Variants in ATP7A observed in about 807,000 individuals in gnomAD.
The protein encoded by ATP7A is copper-transporting ATPase 1.
A neutral mutation model predicts 83.5 loss-of-function variants in ATP7A; 7 were observed. The ratio of observed to expected loss-of-function variants is 0.08; its 90% CI spans 0.05 to 0.16. ATP7A has a LOEUF of 0.16. Among genes scored for constraint, ATP7A ranks in the 10% least tolerant of loss-of-function variants. The pLI is 1.00. For synonymous variants in ATP7A, 354 were observed against 395.2 expected, an observed-to-expected ratio of 0.90 and a Z score of 1.24; for missense variants, 940 against 1,120.8, an observed-to-expected ratio of 0.84 and a Z score of 2.30.
intron 17 of ATP7A, among the ~76,000 whole-genome samples, chrX:78,034,746 CTTTT>C (rs781904882): frequency 1.0e-5 from 1 of 100,201 alleles, no homozygotes. Flanking sequence ...CTGGCTGTTC[CTTTT>C]TTTTTTTTTT....
chrX:77,932,617 T>C (rs2077294352), intron 1 of ATP7A, among the ~76,000 whole-genome samples: 1 of 112,420 alleles, frequency 8.9e-6, no homozygotes, highest in African/African-American at 3.2e-5. Context: ...TGGGCACCAT[T>C]GAGCACTGAG....
rs989216537 is a variant in ATP7A at position 78,033,509 on chromosome X, T to C, written c.3295-96T>C. 2.9e-5 allele frequency: 25 copies of C among 871,856 alleles called. No individual in the cohort carries two copies. The East Asian group carries it at 7.8e-4, about 27-fold the overall frequency. The allele number at this position is 871,856 out of a possible 1,213,427, so 71.9% of individuals were successfully genotyped here. On this transcript the variant is annotated intron_variant, in intron 16 of 22. Transcript: ENST00000341514. ...TAGGCAATATGTGACAATTTTATTA[T>C]AAACATTTAGAATTAACTAGGGGTT... is the stretch of plus-strand genomic sequence containing the variant.
intron 1 of ATP7A, among the ~76,000 whole-genome samples, chrX:77,939,306 A>AG (rs1221564646): frequency 5.4e-5 from 6 of 110,901 alleles, no homozygotes; most frequent in African/African-American, 1.6e-4. Flanking sequence ...CAAAAAAAAA[A>AG]AAAGTACATA....
At chrX:77,968,879 T>C (rs1557229127) in intron 1 of ATP7A, 1 of 1,210,484 alleles carries the variant, frequency 8.3e-7, no homozygotes, top group East Asian at 3.0e-5. Context: ...GGCCTTCACT[T>C]CTTGGCCTTG....
chrX:78,007,555 G>A (rs1447891266), intron 6 of ATP7A, among the ~76,000 whole-genome samples: 2 of 111,718 alleles, frequency 1.8e-5, no homozygotes, highest in Non-Finnish European at 3.8e-5. Flanking sequence ...TCGATCTCCT[G>A]ACCTCGTGAT....
At chrX:78,015,223 C>G (rs1557235009) in intron 11 of ATP7A, among the ~76,000 whole-genome samples, 1 of 111,730 alleles carries the variant, frequency 9.0e-6, no homozygotes, top group Non-Finnish European at 1.9e-5. Context: ...TCTTCTTTCT[C>G]CTCATTGTCC....
Position 77,940,837 on chromosome X carries a change from A to G in ATP7A, c.-22+30002A>G, listed in dbSNP as rs1170164402. 3.6e-5 allele frequency among the ~76,000 whole-genome samples: 4 copies of G among 112,013 alleles called. No homozygotes were observed. In the Admixed American group the frequency reaches 3.8e-4, roughly 11 times the overall value. On this transcript the variant is annotated intron_variant, in intron 1 of 22. Coordinates refer to ENST00000341514, the MANE Select transcript of ATP7A (RefSeq NM_000052.7). ...AGTTATTGGAGATAAAAAACAGATG[A>G]TCATTTTTCACATAACAGATTGACA...
Position 77,988,267 on chromosome X carries a change from C to G in ATP7A, c.146C>G (p.Thr49Ser). ...GTATCACTGGAAGAAAAAAATGCAA[C>G]TATTATTTATGACCCTAAACTACAG... ...IKVSLEEKNA[T>S]IIYDPKLQTP... The change falls in exon 3 of 23, where the codon ACT becomes AGT. Residue 49 changes from threonine (T) to serine (S), a missense_variant. By Grantham distance (58) the Thr-to-Ser change is moderately conservative. Around this residue, in one of 3 missense-constraint regions of ATP7A, gnomAD observed 350 missense variants for 432.8 expected, o/e 0.81. Coordinates refer to ENST00000341514, the MANE Select transcript of ATP7A (RefSeq NM_000052.7). 1 of 1,200,485 alleles carries G rather than the reference C, an allele frequency of 8.3e-7. No homozygotes were observed. The highest frequency in any genetic ancestry group is 3.0e-5 in the East Asian group (1 of 33,761).
chrX:78,033,677 G>A lies in ATP7A; in HGVS notation c.3367G>A (p.Val1123Ile). The A allele has an allele frequency of 3.3e-6, 4 of 1,211,225 alleles. No individual in the cohort carries two copies. The highest frequency in any genetic ancestry group is 4.5e-6 in the Non-Finnish European group (4 of 895,232). Residue 1123 changes from valine (V) to isoleucine (I), a missense_variant, in exon 17 of 23, where the codon GTC becomes ATC. By Grantham distance (29) the Val-to-Ile change is conservative (BLOSUM62 3). Transcript: ENST00000341514. ...GCCAGGCTGTGGTATTAGCTGTAAA[G>A]TCACCAATATTGAAGGCTTGCTACA... ...VVPGCGISCK[V>I]TNIEGLLHKN...
intron 14 of ATP7A, 114 bp from the exon 15 acceptor site, chrX:78,029,136 G>A (rs2077965866): frequency 2.6e-6 from 2 of 780,543 alleles, no homozygotes; most frequent in Admixed American, 2.3e-5. Context: ...TAGGTAGCTA[G>A]GTAGGATATG....
intron 12 of ATP7A, 120 bp downstream of exon 12, chrX:78,016,001 G>T (rs781783856): frequency 2.1e-5 from 18 of 840,247 alleles, no homozygotes; most frequent in Non-Finnish European, 2.9e-5. Context: ...GTTCTTTTAA[G>T]ACTGTATTAA....
intron 4 of ATP7A, among the ~76,000 whole-genome samples, chrX:77,997,830 C>T (rs1380855023): frequency 3.6e-5 from 4 of 110,519 alleles, no homozygotes; most frequent in Non-Finnish European, 5.7e-5. Flanking sequence ...TCTTCTTCCA[C>T]TGTCCACAGA....
chrX:77,951,414 C>T (rs1202365936), intron 1 of ATP7A, among the ~76,000 whole-genome samples: 1 of 111,529 alleles, frequency 9.0e-6, no homozygotes, highest in Non-Finnish European at 1.9e-5. Context: ...AAAATGTTCA[C>T]AATTATTAAA....
Position 78,047,036 on chromosome X carries a change from T to G in ATP7A, c.*466T>G, listed in dbSNP as rs1557239240. On this transcript the variant is annotated 3_prime_UTR_variant, in exon 23 of 23. Coordinates refer to ENST00000341514, the MANE Select transcript of ATP7A (RefSeq NM_000052.7). ...GGGAGCAATGACTTTCAAAGCACTG[T>G]GTATAAAACATCTAGTTTTAGAAGG... 1 of 119,389 alleles carries G rather than the reference T, an allele frequency of 8.4e-6. No individual in the cohort carries two copies. Among genetic ancestry groups the G allele is most frequent in the African/African-American group, 3.2e-5 (1 of 30,803 alleles). The allele number at this position is 119,389 out of a possible 1,213,427, so 9.8% of individuals were successfully genotyped here.
chrX:77,932,881 A>T (rs782742338), intron 1 of ATP7A, among the ~76,000 whole-genome samples: 5 of 111,226 alleles, frequency 4.5e-5, no homozygotes, highest in Non-Finnish European at 5.7e-5. Flanking sequence ...GCTCGGCATT[A>T]GAGGGAGACC....
intron 12 of ATP7A, among the ~76,000 whole-genome samples, chrX:78,018,550 T>C (rs1557235423): frequency 1.8e-5 from 2 of 111,934 alleles, no homozygotes; most frequent in Admixed American, 1.9e-4. Context: ...CAGATTTCTA[T>C]GAAGTTCCAA....
chrX:77,981,103 C>A (rs2077603274), intron 2 of ATP7A, among the ~76,000 whole-genome samples: 1 of 111,694 alleles, frequency 9.0e-6, no homozygotes, highest in South Asian at 3.7e-4. Context: ...AGATATTGTT[C>A]CACATCAATA....
chrX:77,947,646 C>T (rs1216667114), intron 1 of ATP7A, among the ~76,000 whole-genome samples: 1 of 109,205 alleles, frequency 9.2e-6, no homozygotes, highest in East Asian at 2.8e-4. Context: ...CCATGTTGGC[C>T]AGGCTGGTCT....
intron 22 of ATP7A, among the ~76,000 whole-genome samples, chrX:78,045,836 A>G (rs1172781504): frequency 2.7e-5 from 3 of 111,511 alleles, no homozygotes; most frequent in African/African-American, 9.8e-5. Flanking sequence ...TACAAAAATT[A>G]GCTGGGCATG....
Sources: gnomAD v4.1 joint callset for allele counts (sites outside exome capture counted in the v4.1 genomes callset) on GRCh38, gnomAD v4.1.1 for gene constraint, gnomAD v4.1.1 regional missense constraint, MANE v1.5 for transcripts, NCBI Gene and HGNC (gene_info 2026-07-23, HGNC 2026-07-21) for gene names.